Variants in RARB observed in about 807,000 individuals in gnomAD.
RARB encodes HBV-activated protein.
A neutral mutation model predicts 51.9 loss-of-function variants in RARB; 17 were observed. That is an observed-to-expected ratio of 0.33 (90% CI 0.22 to 0.49). The LOEUF is 0.49. Among genes scored for constraint, RARB ranks in the 20% least tolerant of loss-of-function variants. The pLI is 0.99. For synonymous variants in RARB, 215 were observed against 195.4 expected (o/e 1.10, Z -0.84); for missense variants, 369 against 550.8 (o/e 0.67, Z 3.30).
intron 3 of RARB, among the ~76,000 whole-genome samples, chr3:25,106,451 G>GGTTTTTTTTTTTTTTTTTTTTTTT (rs1575163102): frequency 1.4e-5 from 1 of 70,532 alleles, no homozygotes; most frequent in African/African-American, 6.2e-5. Context: ...ACTGTTTTTT[G>GGTTTTTTTTTTTTTTTTTTTTTTT]TTTTTTGTTT....
At chr3:25,276,687 T>A (rs995972544) in intron 5 of RARB, among the ~76,000 whole-genome samples, 1 of 152,176 alleles carries the variant, frequency 6.6e-6, no homozygotes, top group Non-Finnish European at 1.5e-5. Flanking sequence ...ACACTTAGCA[T>A]AGGAAAGGCC....
At chr3:25,323,126 CG>C (rs1559357106) in intron 5 of RARB, among the ~76,000 whole-genome samples, 1 of 151,820 alleles carries the variant, frequency 6.6e-6, no homozygotes, top group East Asian at 1.9e-4. Context: ...ACAGAATACC[CG>C]GGGCTCAAGG....
chr3:25,127,476 C>T (rs1019313445), intron 3 of RARB, among the ~76,000 whole-genome samples: 8 of 152,276 alleles, frequency 5.3e-5, no homozygotes, highest in East Asian at 1.9e-4. Context: ...CCAATTTTTC[C>T]GTATTTCATC....
At position 24,978,043 on chromosome 3, in the gene RARB, C is replaced by T. The variant is rs183435101; in HGVS notation, c.-379-82082C>T. Among the ~76,000 whole-genome samples the T allele has an allele frequency of 3.0e-4, 45 of 152,008 alleles. No individual in the cohort carries two copies. The South Asian group carries it at 7.5e-3, about 25-fold the overall frequency. Reference sequence around the variant, plus strand: ...ATTTTTGTTGGTTCTGTTTATGTGACGGATTACATTTATTGATTTGCGTAT... The same window carrying T: ...ATTTTTGTTGGTTCTGTTTATGTGATGGATTACATTTATTGATTTGCGTAT... On this transcript the variant is annotated intron_variant, in intron 2 of 11. Transcript: ENST00000383772.
At chr3:25,518,342 A>G (rs1163263850) in intron 3 of RARB, among the ~76,000 whole-genome samples, 5 of 152,148 alleles carry the variant, frequency 3.3e-5, no homozygotes, top group Admixed American at 3.3e-4. Flanking sequence ...CAAGAGGAAA[A>G]TAGCCTTGTT....
intron 2 of RARB, among the ~76,000 whole-genome samples, chr3:25,005,649 C>T (rs1043588467): frequency 2.0e-5 from 3 of 152,106 alleles, no homozygotes; most frequent in African/African-American, 7.2e-5. Context: ...CCACAATATC[C>T]TGTTGGTTGG....
intron 2 of RARB, among the ~76,000 whole-genome samples, chr3:24,887,411 C>G (rs1478473931): frequency 6.6e-6 from 1 of 152,206 alleles, no homozygotes; most frequent in Non-Finnish European, 1.5e-5. Context: ...ATAAATGTGC[C>G]TGCTGAGGCT....
At chr3:25,219,292 C>T (rs1175986091) in intron 5 of RARB, among the ~76,000 whole-genome samples, 1 of 151,560 alleles carries the variant, frequency 6.6e-6, no homozygotes, top group Non-Finnish European at 1.5e-5. Flanking sequence ...ATCCATACAC[C>T]ATCTTATAGC....
At position 24,866,799 on chromosome 3, in the gene RARB, G is replaced by T. The variant is rs369304704; in HGVS notation, c.-380+8047G>T. On this transcript the variant is annotated intron_variant, in intron 2 of 11. Coordinates refer to the RARB transcript ENST00000383772. ...AAATAAAGAGTTTTACACATGTAGA[G>T]CTGGTTAAAGGGGAGAGCAGGGTTT... Among the ~76,000 whole-genome samples the T allele has an allele frequency of 1.5e-4, 23 of 152,258 alleles. No homozygotes were observed. The South Asian group carries it at 4.1e-3, about 27-fold the overall frequency.
At chr3:25,312,695 A>T (rs1704318797) in intron 5 of RARB, among the ~76,000 whole-genome samples, 1 of 152,192 alleles carries the variant, frequency 6.6e-6, no homozygotes. Flanking sequence ...TTTTAACAAC[A>T]TTTAAAAATT....
In RARB at chr3:25,115,618, CT is replaced by C. The variant is rs1699673025; in HGVS notation, c.-327-16538del. On this transcript the variant is annotated intron_variant, in intron 3 of 11. Transcript: ENST00000383772. ...TTTCTTCTTTTCTTTCTTTCTCTTC[CT>C]TTTTCTTTTTTTTCCTTTCTTTTTC... Among the ~76,000 whole-genome samples, 3 of 149,348 alleles carry C rather than the reference CT, an allele frequency of 2.0e-5. No homozygotes were observed. The Admixed American group carries it at 2.0e-4, about 10-fold the overall frequency.
In RARB at chr3:25,349,735, G is replaced by A. The variant is rs553554039; in HGVS notation, c.179-111458G>A. Among the ~76,000 whole-genome samples, 3 of 152,234 alleles carry A rather than the reference G, an allele frequency of 2.0e-5. No homozygotes were observed. The East Asian group carries it at 5.8e-4, about 29-fold the overall frequency. On this transcript the variant is annotated intron_variant, in intron 5 of 11. Transcript: ENST00000383772. ...TTTTGTGTCTTTTAATTTTGAAATT[G>A]AAAGTCATTTTTTTTCAATAATTAT... is the stretch of plus-strand genomic sequence containing the variant.
rs1178309984 is a variant in RARB, at chr3:25,345,834, C to G, written c.179-115359C>G. On this transcript the variant is annotated intron_variant, in intron 5 of 11. Coordinates refer to the RARB transcript ENST00000383772. ...AACTGTATCAGTTAATTTTTGCTAC[C>G]TAAGAGACACCTCCAAAATTCATTT... is the stretch of plus-strand genomic sequence containing the variant. The G allele has an allele frequency of 4.6e-6, 4 of 862,830 alleles. No individual in the cohort carries two copies. The Admixed American group carries it at 2.5e-4, about 54-fold the overall frequency. The allele number at this position is 862,830 out of a possible 1,614,324, so 53.4% of individuals were successfully genotyped here. A position where few individuals can be genotyped will look rare whatever the true frequency, so the allele number is the denominator to read the frequency against.
chr3:25,384,650 G>A (rs1054155075), intron 5 of RARB, among the ~76,000 whole-genome samples: 1 of 152,194 alleles, frequency 6.6e-6, no homozygotes, highest in Non-Finnish European at 1.5e-5. Flanking sequence ...CCTCACCTGA[G>A]AACATTCTTT....
intron 2 of RARB, among the ~76,000 whole-genome samples, chr3:24,964,815 G>A (rs183612634): frequency 6.6e-5 from 10 of 152,278 alleles, no homozygotes; most frequent in East Asian, 1.9e-4. Flanking sequence ...CGATGTCCCC[G>A]CTTTCTGTTC....
At chr3:25,126,417 G>A (rs1699859810) in intron 3 of RARB, among the ~76,000 whole-genome samples, 1 of 151,504 alleles carries the variant, frequency 6.6e-6, no homozygotes, top group African/African-American at 2.4e-5. Flanking sequence ...TTTTGTTATT[G>A]TTATTTTTCC....
intron 2 of RARB, chr3:25,462,183 C>G (rs1695220517): frequency 6.6e-6 from 1 of 152,142 alleles, no homozygotes; most frequent in Non-Finnish European, 1.5e-5. Context: ...AAAATTCCTG[C>G]CTACGGAATA....
chr3:24,862,987 A>T (rs1037237269), intron 2 of RARB, among the ~76,000 whole-genome samples: 1 of 152,168 alleles, frequency 6.6e-6, no homozygotes, highest in African/African-American at 2.4e-5. Flanking sequence ...GAGGACTTGG[A>T]TGGAAACAAT....
At chr3:25,372,727 A>C (rs1309588626) in intron 5 of RARB, among the ~76,000 whole-genome samples, 2 of 152,148 alleles carry the variant, frequency 1.3e-5, no homozygotes, top group Non-Finnish European at 2.9e-5. Context: ...TTGGGAGGCC[A>C]AGGTGGGAGA....
Sources: allele counts gnomAD v4.1 joint callset (sites outside exome capture counted in the v4.1 genomes callset), GRCh38; gene constraint gnomAD v4.1.1; transcripts MANE v1.5; gene names NCBI Gene and HGNC (gene_info 2026-07-23, HGNC 2026-07-21).